The following AGBL1 variants were observed in gnomAD, a reference collection of about 807,000 sequenced individuals.
AGBL1 encodes the protein AGBL carboxypeptidase 1.
In AGBL1, 130 loss-of-function variants were observed where a neutral mutation model predicts 118.9. The observed-to-expected ratio is 1.09, with a 90% CI of 0.95 to 1.26. The LOEUF (loss-of-function observed/expected upper bound fraction) is 1.26, where lower values mean the gene tolerates loss of function less well. AGBL1 is among the 50% of genes most tolerant of loss of function. The pLI is 0.00. For missense variants in AGBL1, 1,584 were observed against 1,298.1 expected, an observed-to-expected ratio of 1.22 and a Z score of -3.38; for synonymous variants, 555 against 478.9, an observed-to-expected ratio of 1.16 and a Z score of -2.08.
chr15:86,276,163 T>C (rs762651127), intron 15 of AGBL1, among the ~76,000 whole-genome samples: 1 of 152,224 alleles, frequency 6.6e-6, no homozygotes, highest in Non-Finnish European at 1.5e-5. Flanking sequence ...TTTTACATTT[T>C]TTTCTATTAT....
chr15:86,534,708 A>G (rs2083400537), intron 19 of AGBL1, among the ~76,000 whole-genome samples: 2 of 152,250 alleles, frequency 1.3e-5, no homozygotes, highest in Admixed American at 1.3e-4. Flanking sequence ...AAACTAAACC[A>G]AAAAATGAAC....
In AGBL1 at chr15:86,711,024, A is replaced by G. The variant is rs375252577; in HGVS notation, c.3158+36588A>G. ...TCCATGGGATGATTTTTCTCACTAG[A>G]TCTAGACCCTAGGCCACAAGGTGAC... On this transcript the variant is annotated intron_variant, in intron 22 of 22. Transcript: ENST00000614907. Among the ~76,000 whole-genome samples the G allele has an allele frequency of 1.0e-3, 153 of 152,248 alleles. 2 individuals are homozygous for G. In the South Asian group the frequency reaches 0.029, roughly 29 times the overall value.
At chr15:86,632,743 C>A (rs1471210542) in intron 21 of AGBL1, among the ~76,000 whole-genome samples, 4 of 150,108 alleles carry the variant, frequency 2.7e-5, no homozygotes, top group Admixed American at 6.6e-5. Context: ...CAGGTGTATT[C>A]ATTGCCACTG....
chr15:86,586,711 C>T (rs1412300148), intron 21 of AGBL1, among the ~76,000 whole-genome samples: 1 of 152,006 alleles, frequency 6.6e-6, no homozygotes, highest in African/African-American at 2.4e-5. Context: ...GGGAGGTATA[C>T]AATAGTTTGG....
At chr15:86,855,451 C>G (rs113731386) in intron 22 of AGBL1, among the ~76,000 whole-genome samples, 2 of 152,246 alleles carry the variant, frequency 1.3e-5, no homozygotes, top group Non-Finnish European at 2.9e-5. Context: ...GTTAAGCAAT[C>G]CAGCTATTTC....
intron 19 of AGBL1, among the ~76,000 whole-genome samples, chr15:86,527,814 C>A (rs933277773): frequency 6.6e-6 from 1 of 152,130 alleles, no homozygotes; most frequent in African/African-American, 2.4e-5. Flanking sequence ...ACCCTGAGAG[C>A]GTTGAGCATT....
chr15:86,821,290 A>C (rs1017406889), intron 22 of AGBL1, among the ~76,000 whole-genome samples: 4 of 152,208 alleles, frequency 2.6e-5, no homozygotes, highest in Non-Finnish European at 1.5e-5. Context: ...ACAAACATGC[A>C]TGTTCTGCAC....
chr15:86,827,938 C>CTTTTTTT (rs71144074), intron 22 of AGBL1, among the ~76,000 whole-genome samples: 274 of 16,752 alleles, frequency 0.016, 57 homozygotes, highest in African/African-American at 0.04. Flanking sequence ...TGATGTAGGG[C>CTTTTTTT]TTTTTTTTTT....
At chr15:86,350,526 C>G (rs1022079991) in intron 17 of AGBL1, among the ~76,000 whole-genome samples, 1 of 152,146 alleles carries the variant, frequency 6.6e-6, no homozygotes, top group African/African-American at 2.4e-5. Context: ...CTTTGCTGTT[C>G]CGTATACATA....
intron 21 of AGBL1, among the ~76,000 whole-genome samples, chr15:86,646,077 G>A (rs548972498): frequency 9.2e-5 from 14 of 152,242 alleles, no homozygotes; most frequent in African/African-American, 2.2e-4. Context: ...GTATCTTGGC[G>A]TGTAGCAGAA....
At chr15:86,272,095 G>A (rs187676940) in intron 15 of AGBL1, among the ~76,000 whole-genome samples, 24 of 152,228 alleles carry the variant, frequency 1.6e-4, no homozygotes, top group African/African-American at 2.4e-4. Context: ...TATCCACCCC[G>A]TGGTTTAGTT....
intron 18 of AGBL1, among the ~76,000 whole-genome samples, chr15:86,439,616 G>A (rs1340718237): frequency 6.6e-6 from 1 of 152,118 alleles, no homozygotes; most frequent in African/African-American, 2.4e-5. Context: ...CACTAATAGG[G>A]TCAACAACAG....
chr15:86,422,303 C>G (rs1567249559), intron 18 of AGBL1, among the ~76,000 whole-genome samples: 1 of 152,154 alleles, frequency 6.6e-6, no homozygotes, highest in East Asian at 1.9e-4. Flanking sequence ...TCACTCAAAA[C>G]TGCACGACTA....
At chr15:86,589,547 G>A (rs902930708) in intron 21 of AGBL1, among the ~76,000 whole-genome samples, 1 of 152,148 alleles carries the variant, frequency 6.6e-6, no homozygotes, top group Non-Finnish European at 1.5e-5. Context: ...GAGAAGCCTG[G>A]AACCAGATGC....
intron 18 of AGBL1, among the ~76,000 whole-genome samples, chr15:86,474,158 A>C (rs1029447943): frequency 1.3e-5 from 2 of 152,194 alleles, no homozygotes; most frequent in Non-Finnish European, 2.9e-5. Context: ...GTGACGCAGA[A>C]GACAGGTGAT....
rs536293929 is a variant in AGBL1 at position 86,112,860 on chromosome 15, A to T, written c.52-29144A>T. Among the ~76,000 whole-genome samples the T allele has an allele frequency of 2.1e-3, 314 of 151,954 alleles. 1 individual carries two copies. Among genetic ancestry groups the T allele is most frequent in the South Asian group, 5.9e-3 (28 of 4,786 alleles). Reference sequence around the variant, plus strand: ...TACTAATGTAACTGATTTTTTTTTTAAAATAAGCCTATTAGCTATTTGAAT... The same window carrying T: ...TACTAATGTAACTGATTTTTTTTTTTAAATAAGCCTATTAGCTATTTGAAT... On this transcript the variant is annotated intron_variant, in intron 1 of 22. Transcript: ENST00000614907.
intron 17 of AGBL1, among the ~76,000 whole-genome samples, chr15:86,342,665 T>C (rs2080478781): frequency 6.6e-6 from 1 of 152,168 alleles, no homozygotes; most frequent in Non-Finnish European, 1.5e-5. Context: ...AGATCTCCGA[T>C]CTGCCCCATA....
chr15:86,110,916 C>T (rs780515358), intron 1 of AGBL1, among the ~76,000 whole-genome samples: 9 of 152,176 alleles, frequency 5.9e-5, no homozygotes, highest in Non-Finnish European at 8.8e-5. Context: ...AAACAAATCC[C>T]GAGTTTTCCC....
intron 6 of AGBL1, among the ~76,000 whole-genome samples, chr15:86,235,696 A>G (rs555027610): frequency 2.0e-5 from 3 of 152,318 alleles, no homozygotes; most frequent in Non-Finnish European, 4.4e-5. Flanking sequence ...ATCTCATTTA[A>G]TCTTCACCAT....
Sources: allele counts gnomAD v4.1 joint callset (sites outside exome capture counted in the v4.1 genomes callset), GRCh38; gene constraint gnomAD v4.1.1; transcripts MANE v1.5; gene names NCBI Gene and HGNC (gene_info 2026-07-23, HGNC 2026-07-21).